The following VPS13B variants were observed in gnomAD, a reference collection of about 807,000 sequenced individuals.
VPS13B encodes the protein intermembrane lipid transfer protein VPS13B.
Under a neutral mutation model 426.4 loss-of-function variants are expected in VPS13B, and 285 were observed. That is an observed-to-expected ratio of 0.67 (90% confidence interval 0.61 to 0.74). VPS13B has a LOEUF of 0.74. Among genes scored for constraint, VPS13B ranks in the 30% least tolerant of loss-of-function variants. The pLI is 0.00. For synonymous variants in VPS13B, 1,676 were observed against 1,676.4 expected, an observed-to-expected ratio of 1.00 and a Z score of 0.01; for missense variants, 4,537 against 4,782.6, an observed-to-expected ratio of 0.95 and a Z score of 1.51.
intron 33 of VPS13B, among the ~76,000 whole-genome samples, chr8:99,595,607 A>G (rs1826969348): frequency 6.6e-6 from 1 of 152,018 alleles, no homozygotes; most frequent in South Asian, 2.1e-4. Flanking sequence ...ACTAAAAAGA[A>G]AAAGAATAGA....
At chr8:99,657,123 T>C (rs914260671) in intron 34 of VPS13B, among the ~76,000 whole-genome samples, 5 of 152,230 alleles carry the variant, frequency 3.3e-5, no homozygotes, top group Non-Finnish European at 7.3e-5. Flanking sequence ...AGTTGGTTTA[T>C]TGTGTCTCCT....
chr8:99,371,433 C>A (rs965577428), intron 19 of VPS13B, among the ~76,000 whole-genome samples: 2 of 152,076 alleles, frequency 1.3e-5, no homozygotes, highest in Non-Finnish European at 2.9e-5. Flanking sequence ...CTGTTCTGTT[C>A]CAAGGGTTTA....
At chr8:99,227,677 T>C (rs1292753946) in intron 17 of VPS13B, among the ~76,000 whole-genome samples, 2 of 152,104 alleles carry the variant, frequency 1.3e-5, no homozygotes, top group African/African-American at 4.8e-5. Flanking sequence ...TATAATATGG[T>C]TTATTTGTGT....
chr8:99,839,384 C>T (rs1815561204), intron 54 of VPS13B, among the ~76,000 whole-genome samples: 1 of 152,134 alleles, frequency 6.6e-6, no homozygotes, highest in African/African-American at 2.4e-5. Flanking sequence ...TTACTGAGGA[C>T]CTATCAGGTG....
At chr8:99,691,716 C>T (rs1239114940) in intron 35 of VPS13B, among the ~76,000 whole-genome samples, 1 of 148,164 alleles carries the variant, frequency 6.7e-6, no homozygotes, top group Admixed American at 6.8e-5. Context: ...TGTAAATGGA[C>T]TAAATGCTCC....
intron 34 of VPS13B, among the ~76,000 whole-genome samples, chr8:99,659,021 G>C (rs576248090): frequency 7.2e-5 from 11 of 152,150 alleles, no homozygotes; most frequent in African/African-American, 2.6e-4. Flanking sequence ...TTTTTGTAGA[G>C]CTGGGGTTTC....
chr8:99,660,455 A>G (rs556569097), intron 34 of VPS13B, among the ~76,000 whole-genome samples: 17 of 152,280 alleles, frequency 1.1e-4, no homozygotes, highest in Non-Finnish European at 2.2e-4. Flanking sequence ...TATGGCAAGA[A>G]CATCCCTATA....
intron 58 of VPS13B, among the ~76,000 whole-genome samples, chr8:99,866,468 A>C (rs544442592): frequency 6.6e-6 from 1 of 152,352 alleles, no homozygotes; most frequent in African/African-American, 2.4e-5. Context: ...GTGGTTCCAC[A>C]GCTCCCTCTC....
chr8:99,484,845 G>T, intron 25 of VPS13B, among the ~76,000 whole-genome samples: 1 of 135,522 alleles, frequency 7.4e-6, no homozygotes. Flanking sequence ...ACTGTGTCCT[G>T]TCTCAAAAAA....
intron 19 of VPS13B, among the ~76,000 whole-genome samples, chr8:99,337,738 A>T (rs1588266779): frequency 6.6e-6 from 1 of 152,164 alleles, no homozygotes. Context: ...ATTCACATTT[A>T]TCAATTTTTT....
chr8:99,239,994 A>G (rs1167882198), intron 17 of VPS13B, among the ~76,000 whole-genome samples: 1 of 152,120 alleles, frequency 6.6e-6, no homozygotes, highest in African/African-American at 2.4e-5. Context: ...TGTAACTTCT[A>G]AGTCCCTTTA....
chr8:99,355,382 A>G (rs1417300493), intron 19 of VPS13B, among the ~76,000 whole-genome samples: 1 of 152,096 alleles, frequency 6.6e-6, no homozygotes, highest in African/African-American at 2.4e-5. Context: ...CATGAGGTCA[A>G]GAGATCGAGA....
At chr8:99,399,620 A>G (rs1814926404) in intron 21 of VPS13B, among the ~76,000 whole-genome samples, 1 of 152,178 alleles carries the variant, frequency 6.6e-6, no homozygotes, top group African/African-American at 2.4e-5. Context: ...TCTCATGACA[A>G]TCTTTTATAG....
chr8:99,641,667 C>A, intron 33 of VPS13B, 144 bp from the exon 34 acceptor site: 1 of 749,168 alleles, frequency 1.3e-6, no homozygotes, highest in Non-Finnish European at 2.1e-6. Flanking sequence ...AAATGGGCAC[C>A]TATTCTATTT....
At chr8:99,858,314 C>T (rs1816656978) in intron 56 of VPS13B, among the ~76,000 whole-genome samples, 1 of 152,250 alleles carries the variant, frequency 6.6e-6, no homozygotes, top group African/African-American at 2.4e-5. Context: ...GCCTGCCAGA[C>T]TCCACGCACA....
intron 41 of VPS13B, among the ~76,000 whole-genome samples, chr8:99,777,480 C>T (rs1000253928): frequency 3.9e-5 from 6 of 152,064 alleles, no homozygotes; most frequent in African/African-American, 9.7e-5. Context: ...TTCACTATCA[C>T]GAGAACAGTA....
intron 23 of VPS13B, among the ~76,000 whole-genome samples, chr8:99,462,000 A>G (rs1818861110): frequency 6.6e-6 from 1 of 152,132 alleles, no homozygotes; most frequent in African/African-American, 2.4e-5. Flanking sequence ...TTGGTTCAAC[A>G]AAAGAATCTG....
intron 19 of VPS13B, among the ~76,000 whole-genome samples, chr8:99,280,185 T>C (rs1030755431): frequency 1.3e-5 from 2 of 152,186 alleles, no homozygotes; most frequent in African/African-American, 4.8e-5. Context: ...TGTATTTACA[T>C]ATACTGTTTT....
rs547918075 is a variant in VPS13B at position 99,452,902 on chromosome 8, C to T, written c.3445+10267C>T. Reference sequence around the variant, plus strand: ...ACATCTTGAGTTTCATTAGGGAGCACTTGCAGTGAGCCTTGCAGATGTAAT... The same window carrying T: ...ACATCTTGAGTTTCATTAGGGAGCATTTGCAGTGAGCCTTGCAGATGTAAT... On this transcript the variant is annotated intron_variant, in intron 23 of 61. Transcript: ENST00000357162. 1.2e-4 allele frequency among the ~76,000 whole-genome samples: 18 copies of T among 152,322 alleles called. No homozygotes were observed. The South Asian group carries it at 1.4e-3, about 12-fold the overall frequency.
Sources: allele counts gnomAD v4.1 joint callset (sites outside exome capture counted in the v4.1 genomes callset), GRCh38; gene constraint gnomAD v4.1.1; transcripts MANE v1.5; gene names NCBI Gene and HGNC (gene_info 2026-07-23, HGNC 2026-07-21).